The following UBQLN1 variants were observed in gnomAD, a reference collection of about 807,000 sequenced individuals.
UBQLN1 encodes ubiquilin 1, also known as ubiquilin-1.
UBQLN1 carries 13 observed loss-of-function variants against 65.4 expected under a neutral mutation model. The observed-to-expected ratio is 0.20, with a 90% CI of 0.13 to 0.32. The LOEUF is 0.32. UBQLN1 is among the 10% of genes least tolerant of loss of function. The probability of loss-of-function intolerance (pLI) is 1.00; values close to 1 mark genes in which losing one functional copy is unlikely to be tolerated. For missense variants in UBQLN1, 561 were observed against 724.0 expected, an observed-to-expected ratio of 0.77 and a Z score of 2.58; for synonymous variants, 267 against 247.8, an observed-to-expected ratio of 1.08 and a Z score of -0.73.
chr9:83,673,942 C>T (rs959653568), intron 6 of UBQLN1, among the ~76,000 whole-genome samples: 2 of 152,066 alleles, frequency 1.3e-5, no homozygotes, highest in African/African-American at 4.8e-5. Context: ...AGCTGTACTA[C>T]AGCTGCACAC....
intron 1 of UBQLN1, among the ~76,000 whole-genome samples, chr9:83,705,184 T>C (rs937284953): frequency 2.0e-5 from 3 of 151,512 alleles, no homozygotes; most frequent in Middle Eastern, 3.4e-3. Flanking sequence ...TGTATCTTCA[T>C]TGGCGGGATG....
chr9:83,694,306 A>T (rs1258948953), intron 1 of UBQLN1, among the ~76,000 whole-genome samples: 1 of 152,222 alleles, frequency 6.6e-6, no homozygotes, highest in African/African-American at 2.4e-5. Context: ...TTGCTATTTC[A>T]GTATTTTAAG....
chr9:83,697,983 G>A (rs1160698024), intron 1 of UBQLN1, among the ~76,000 whole-genome samples: 3 of 152,062 alleles, frequency 2.0e-5, no homozygotes, highest in Admixed American at 1.3e-4. Flanking sequence ...TGATCCACCC[G>A]CCTCGGCCTC....
chr9:83,682,263 C>T (rs1831953506), intron 3 of UBQLN1, among the ~76,000 whole-genome samples: 2 of 151,416 alleles, frequency 1.3e-5, no homozygotes, highest in South Asian at 2.1e-4. Flanking sequence ...CCAGCCTGGG[C>T]GACAGAGCAA....
intron 9 of UBQLN1, 121 bp from the exon 10 acceptor site, chr9:83,664,164 T>G (rs1831606702): frequency 2.9e-6 from 3 of 1,046,722 alleles, no homozygotes; most frequent in Non-Finnish European, 4.1e-6. Context: ...TTTGGCCTGG[T>G]GCAGTGGCTC....
In UBQLN1 at chr9:83,679,630, C is replaced by T. The variant is rs1223936947; in HGVS notation, c.711+145G>A. The T allele has an allele frequency of 2.1e-5, 17 of 797,636 alleles. No individual in the cohort carries two copies. The East Asian group carries it at 2.5e-4, about 12-fold the overall frequency. The allele number at this position is 797,636 out of a possible 1,614,324, so 49.4% of individuals were successfully genotyped here. On this transcript the variant is annotated intron_variant, in intron 4 of 10. Transcript: ENST00000376395. ...TTCAGAGTTCAAACAGCCAAATTAG[C>T]GCTTTGTTGAGTTTTCTTAAACCAA...
chr9:83,669,081 A>G (rs1427356947), intron 7 of UBQLN1, 104 bp downstream of exon 7: 1 of 1,341,918 alleles, frequency 7.5e-7, no homozygotes, highest in Non-Finnish European at 1.0e-6. Context: ...TTTCTAGTGT[A>G]TTAAGATATC....
intron 1 of UBQLN1, among the ~76,000 whole-genome samples, chr9:83,694,490 T>A (rs1832177027): frequency 6.6e-6 from 1 of 152,194 alleles, no homozygotes; most frequent in South Asian, 2.1e-4. Flanking sequence ...TAACCCTTTA[T>A]ACAAGGATGC....
intron 8 of UBQLN1, 26 bp downstream of exon 8, chr9:83,666,324 G>C (rs772938709): frequency 6.2e-7 from 1 of 1,609,044 alleles, no homozygotes; most frequent in East Asian, 2.2e-5. Flanking sequence ...CATTACCCAA[G>C]ATAGCTAACA....
intron 6 of UBQLN1, among the ~76,000 whole-genome samples, chr9:83,676,824 G>A (rs951270659): frequency 2.0e-5 from 3 of 152,168 alleles, no homozygotes; most frequent in Admixed American, 6.5e-5. Flanking sequence ...CTACTTATAC[G>A]CCAAGTATTA....
intron 6 of UBQLN1, among the ~76,000 whole-genome samples, chr9:83,672,055 G>C (rs1831741966): frequency 6.6e-6 from 1 of 152,182 alleles, no homozygotes; most frequent in South Asian, 2.1e-4. Context: ...ACATAAGCCA[G>C]TCAACCTCAG....
At chr9:83,706,513 C>T (rs1457960020) in intron 1 of UBQLN1, among the ~76,000 whole-genome samples, 1 of 152,226 alleles carries the variant, frequency 6.6e-6, no homozygotes, top group Non-Finnish European at 1.5e-5. Flanking sequence ...CACCTACTGT[C>T]CCTGGGGAAA....
At position 83,661,854 on chromosome 9, in the gene UBQLN1, G is replaced by C; in HGVS notation, c.1703C>G (p.Ala568Gly). Reference sequence around the variant, plus strand: ...GATATCACCTCCTGTTGCTATTAGAGCTTGCAAGTTTGCTTCACGGTTCAA... The same window carrying C: ...GATATCACCTCCTGTTGCTATTAGACCTTGCAAGTTTGCTTCACGGTTCAA... ...GFLNREANLQ[A>G]LIATGGDINA... Residue 568 changes from alanine (A) to glycine (G), a missense_variant, in exon 11 of 11, where the codon GCT becomes GGT. Coordinates refer to ENST00000376395, the MANE Select transcript of UBQLN1 (RefSeq NM_013438.5). The C allele has an allele frequency of 1.2e-6, 2 of 1,613,958 alleles. No homozygotes were observed. The highest frequency in any genetic ancestry group is 1.7e-6 in the Non-Finnish European group (2 of 1,179,928).
chr9:83,665,482 T>C (rs1200428052), intron 8 of UBQLN1: 2 of 197,650 alleles, frequency 1.0e-5, no homozygotes, highest in Non-Finnish European at 2.0e-5. Context: ...GCACAATTCT[T>C]ACGACGTGGA....
At chr9:83,681,038 C>A (rs1353079014) in intron 3 of UBQLN1, among the ~76,000 whole-genome samples, 1 of 152,228 alleles carries the variant, frequency 6.6e-6, no homozygotes. Flanking sequence ...ATAATAAATA[C>A]ACACACCAGA....
At chr9:83,707,136 C>T (rs1485602904) in intron 1 of UBQLN1, among the ~76,000 whole-genome samples, 1 of 152,156 alleles carries the variant, frequency 6.6e-6, no homozygotes. Flanking sequence ...CTCGCCCCCG[C>T]CCAGCCTCCA....
intron 1 of UBQLN1, among the ~76,000 whole-genome samples, chr9:83,697,595 G>A (rs926441751): frequency 4.4e-5 from 6 of 135,824 alleles, no homozygotes; most frequent in Non-Finnish European, 6.2e-5. Flanking sequence ...TCCCTCTGTC[G>A]CCCAGGCTGG....
At chr9:83,682,353 C>T (rs553537067) in intron 3 of UBQLN1, among the ~76,000 whole-genome samples, 2 of 152,006 alleles carry the variant, frequency 1.3e-5, no homozygotes, top group Non-Finnish European at 2.9e-5. Context: ...GGCACAGTGG[C>T]TCTCATCTGT....
chr9:83,664,306 T>C (rs1831608284), intron 9 of UBQLN1, among the ~76,000 whole-genome samples: 1 of 151,922 alleles, frequency 6.6e-6, no homozygotes, highest in South Asian at 2.1e-4. Flanking sequence ...GTAGTATCAG[T>C]TACTTGGCAG....
Sources: gnomAD v4.1 joint callset for allele counts (sites outside exome capture counted in the v4.1 genomes callset) on GRCh38, gnomAD v4.1.1 for gene constraint, MANE v1.5 for transcripts, NCBI Gene and HGNC (gene_info 2026-07-23, HGNC 2026-07-21) for gene names.